EPHA6: variants seen among roughly 807,000 people sequenced by gnomAD.
EPHA6 encodes the protein ephrin type-A receptor 6.
Under a neutral mutation model 112.0 loss-of-function variants are expected in EPHA6, and 50 were observed. The observed-to-expected ratio is 0.45, with a 90% CI of 0.36 to 0.56. The LOEUF (loss-of-function observed/expected upper bound fraction) is 0.56, where lower values mean the gene tolerates loss of function less well. Among genes scored for constraint, EPHA6 ranks in the 20% least tolerant of loss-of-function variants. EPHA6 has a pLI of 0.00. For synonymous variants in EPHA6, 529 were observed against 490.7 expected (o/e 1.08, Z -1.03); for missense variants, 1,280 against 1,417.4 (o/e 0.90, Z 1.56).
At position 97,205,236 on chromosome 3, in the gene EPHA6, A is replaced by G. The variant is rs190104131; in HGVS notation, c.1115-21028A>G. On this transcript the variant is annotated intron_variant, in intron 3 of 17. Transcript: ENST00000389672. ...AATAGAAAAGTTAAAAATGTTGAGT[A>G]TGAAATTTTAGGTAAGATCTAAATA... is the stretch of plus-strand genomic sequence containing the variant. Among the ~76,000 whole-genome samples the G allele has an allele frequency of 4.9e-4, 75 of 152,254 alleles. 1 individual carries two copies. In the East Asian group the frequency reaches 9.7e-3, roughly 20 times the overall value.
intron 5 of EPHA6, among the ~76,000 whole-genome samples, chr3:97,299,411 G>C (rs190700804): frequency 6.6e-6 from 1 of 152,276 alleles, no homozygotes; most frequent in Non-Finnish European, 1.5e-5. Flanking sequence ...AAGGATTAAA[G>C]AGCATCGCTT....
chr3:97,064,507 C>G (rs1195964317), intron 3 of EPHA6, among the ~76,000 whole-genome samples: 1 of 152,138 alleles, frequency 6.6e-6, no homozygotes, highest in Non-Finnish European at 1.5e-5. Context: ...TTCAAGAGAT[C>G]AGAGACTATT....
At chr3:97,655,417 G>C (rs2094132028) in intron 14 of EPHA6, among the ~76,000 whole-genome samples, 1 of 151,792 alleles carries the variant, frequency 6.6e-6, no homozygotes, top group Non-Finnish European at 1.5e-5. Flanking sequence ...GATATCGGCA[G>C]TTGAAAGTCT....
intron 1 of EPHA6, among the ~76,000 whole-genome samples, chr3:96,863,144 G>T (rs1022803928): frequency 2.6e-5 from 4 of 151,624 alleles, no homozygotes; most frequent in African/African-American, 9.7e-5. Context: ...ATTTTCATTT[G>T]TACTCTTTAC....
At chr3:97,667,064 C>G (rs1318194387) in intron 14 of EPHA6, among the ~76,000 whole-genome samples, 1 of 152,110 alleles carries the variant, frequency 6.6e-6, no homozygotes, top group Non-Finnish European at 1.5e-5. Flanking sequence ...CCTTGGGACA[C>G]CACCATATTA....
At chr3:96,922,916 T>C (rs947271433) in intron 2 of EPHA6, among the ~76,000 whole-genome samples, 2 of 152,212 alleles carry the variant, frequency 1.3e-5, no homozygotes, top group Admixed American at 1.3e-4. Flanking sequence ...TGGTTTTCTG[T>C]TTGTGTGTTA....
intron 3 of EPHA6, among the ~76,000 whole-genome samples, chr3:97,187,018 TA>T (rs1302974177): frequency 1.3e-5 from 2 of 152,174 alleles, no homozygotes; most frequent in African/African-American, 4.8e-5. Flanking sequence ...ACCATACTTT[TA>T]TAACCAATTT....
chr3:96,987,629 T>A lies in EPHA6; in HGVS notation c.750T>A (p.Ser250Arg). The A allele has an allele frequency of 1.2e-6, 2 of 1,611,478 alleles. No individual in the cohort carries two copies. Among genetic ancestry groups the A allele is most frequent in the Non-Finnish European group, 1.7e-6 (2 of 1,177,928 alleles). The change falls in exon 3 of 18, where the codon AGT becomes AGA. Residue 250 changes from serine to arginine, a missense_variant. Transcript: ENST00000389672. Reference protein sequence around the residue: ...TKIDTIAADESFTQMDLGDRI... With the variant: ...TKIDTIAADERFTQMDLGDRI... Reference sequence around the variant, plus strand: ...TCGACACAATTGCTGCTGATGAGAGTTTTACCCAGATGGATTTGGGTGATC... The same window carrying A: ...TCGACACAATTGCTGCTGATGAGAGATTTACCCAGATGGATTTGGGTGATC...
intron 1 of EPHA6, among the ~76,000 whole-genome samples, chr3:96,862,945 A>C (rs2036091148): frequency 6.6e-6 from 1 of 151,970 alleles, no homozygotes; most frequent in Non-Finnish European, 1.5e-5. Context: ...GTTCAGAAAG[A>C]AATATAATAT....
intron 3 of EPHA6, among the ~76,000 whole-genome samples, chr3:97,053,709 T>C (rs2108093929): frequency 6.6e-6 from 1 of 152,228 alleles, no homozygotes; most frequent in Admixed American, 6.5e-5. Flanking sequence ...TTTATATTTC[T>C]TACAGAAATC....
intron 6 of EPHA6, among the ~76,000 whole-genome samples, chr3:97,445,589 G>A (rs1247803839): frequency 1.3e-5 from 2 of 151,870 alleles, no homozygotes; most frequent in Non-Finnish European, 2.9e-5. Context: ...TTGAAAGAAT[G>A]TGCTGATAAT....
chr3:97,159,663 C>CA (rs1400997520), intron 3 of EPHA6, among the ~76,000 whole-genome samples: 3 of 152,108 alleles, frequency 2.0e-5, no homozygotes, highest in Non-Finnish European at 4.4e-5. Context: ...TATGCCCTGC[C>CA]ACTATTCTGT....
intron 5 of EPHA6, among the ~76,000 whole-genome samples, chr3:97,319,357 C>G (rs903669339): frequency 2.0e-5 from 3 of 151,286 alleles, no homozygotes; most frequent in African/African-American, 7.3e-5. Flanking sequence ...ATTGTGTATA[C>G]TACCTTACTT....
chr3:96,973,911 TA>T (rs1339266077), intron 2 of EPHA6, among the ~76,000 whole-genome samples: 2 of 145,830 alleles, frequency 1.4e-5, no homozygotes, highest in Non-Finnish European at 3.0e-5. Context: ...TATGATATAA[TA>T]GATTCTGTAT....
At chr3:96,865,597 G>T (rs917322355) in intron 1 of EPHA6, among the ~76,000 whole-genome samples, 7 of 149,716 alleles carry the variant, frequency 4.7e-5, no homozygotes, top group African/African-American at 1.7e-4. Flanking sequence ...CAGGGGGATC[G>T]CCTTGAGTCT....
Position 97,640,888 on chromosome 3 carries a change from C to G in EPHA6, c.2784+2806C>G, listed in dbSNP as rs192531286. 1.4e-3 allele frequency among the ~76,000 whole-genome samples: 206 copies of G among 151,804 alleles called. 1 individual carries two copies. The highest frequency in any genetic ancestry group is 4.5e-3 in the African/African-American group (188 of 41,358). Reference sequence around the variant, plus strand: ...ACCAGTTAGGCATTATTGCAATAAACCAGAATGGTTATATGACTTTAATTA... The same window carrying G: ...ACCAGTTAGGCATTATTGCAATAAAGCAGAATGGTTATATGACTTTAATTA... On this transcript the variant is annotated intron_variant, in intron 14 of 17. Transcript: ENST00000389672.
intron 11 of EPHA6, among the ~76,000 whole-genome samples, chr3:97,567,951 G>C (rs934067710): frequency 6.6e-6 from 1 of 152,110 alleles, no homozygotes; most frequent in African/African-American, 2.4e-5. Context: ...TAATAATTTT[G>C]GTGGGCTTTG....
At chr3:97,372,177 G>T (rs1168547346) in intron 5 of EPHA6, among the ~76,000 whole-genome samples, 1 of 151,964 alleles carries the variant, frequency 6.6e-6, no homozygotes, top group Admixed American at 6.6e-5. Context: ...TTACGGCTTG[G>T]GGGGCATCAC....
At chr3:97,182,510 A>T (rs1479219293) in intron 3 of EPHA6, among the ~76,000 whole-genome samples, 1 of 151,996 alleles carries the variant, frequency 6.6e-6, no homozygotes, top group African/African-American at 2.4e-5. Flanking sequence ...CAGAAACTAT[A>T]AATTTTTTAT....
Sources: allele counts gnomAD v4.1 joint callset (sites outside exome capture counted in the v4.1 genomes callset), GRCh38; gene constraint gnomAD v4.1.1; transcripts MANE v1.5; gene names NCBI Gene and HGNC (gene_info 2026-07-23, HGNC 2026-07-21).